Variants in MRTFB observed in about 807,000 individuals in gnomAD.
The protein encoded by MRTFB is myocardin related transcription factor B.
Under a neutral mutation model 104.2 loss-of-function variants are expected in MRTFB, and 29 were observed. That is an observed-to-expected ratio of 0.28 (90% CI 0.21 to 0.38). The LOEUF is 0.38. Ranked by LOEUF, MRTFB falls within the 10% of genes least tolerant of loss-of-function variation. The probability of loss-of-function intolerance (pLI) is 1.00; values close to 1 mark genes in which losing one functional copy is unlikely to be tolerated. For missense variants in MRTFB, 1,270 were observed against 1,341.6 expected (o/e 0.95, Z 0.83); for synonymous variants, 535 against 519.5 (o/e 1.03, Z -0.41).
At chr16:14,229,986 G>T (rs888399906) in intron 8 of MRTFB, among the ~76,000 whole-genome samples, 2 of 151,910 alleles carry the variant, frequency 1.3e-5, no homozygotes, top group African/African-American at 4.8e-5. Flanking sequence ...TTAGGTCTCG[G>T]CAGCAATTTA....
At chr16:14,047,043 G>A in the MRTFB span, among the ~76,000 whole-genome samples, 1 of 152,194 alleles carries the variant, frequency 6.6e-6, no homozygotes, top group South Asian at 2.1e-4. Flanking sequence ...TGGAGATGTG[G>A]TTGTGAATAA....
At chr16:14,139,882 C>T (rs1001057394) in intron 2 of MRTFB, among the ~76,000 whole-genome samples, 3 of 152,138 alleles carry the variant, frequency 2.0e-5, no homozygotes, top group Non-Finnish European at 1.5e-5. Context: ...TTTCTGCTGC[C>T]GACTTTGTAG....
At chr16:14,169,942 C>T (rs12448844) in intron 3 of MRTFB, among the ~76,000 whole-genome samples, 6,410 of 152,170 alleles carry the variant, frequency 0.042, 190 homozygotes, top group Non-Finnish European at 0.06. Flanking sequence ...CTTTTTTCAT[C>T]ATAGATATAA....
rs1428333389 is a variant in MRTFB, at chr16:14,081,872, C to G, written c.-64+2518C>G. 2.6e-5 allele frequency among the ~76,000 whole-genome samples: 4 copies of G among 152,200 alleles called. No homozygotes were observed. The East Asian group carries it at 5.8e-4, about 22-fold the overall frequency. On this transcript the variant is annotated intron_variant, in intron 2 of 16. Coordinates refer to ENST00000571589, the MANE Select transcript of MRTFB (RefSeq NM_001308142.2). The stretch of plus-strand genomic sequence containing the variant: ...CTGGGATTATAGGTGTGAGCCACCA[C>G]CTTTGTCCATTTTTTAATTGGATTT...
chr16:14,020,205 G>A, the MRTFB span: 1 of 151,972 alleles, frequency 6.6e-6, no homozygotes, highest in Non-Finnish European at 1.5e-5. Flanking sequence ...ATCCCATCTG[G>A]GTCAAACACT....
chr16:14,035,619 T>A, the MRTFB span, among the ~76,000 whole-genome samples: 1 of 152,202 alleles, frequency 6.6e-6, no homozygotes, highest in South Asian at 2.1e-4. Context: ...GTATGTGTAA[T>A]GTCACTTCCC....
At chr16:14,236,174 G>C (rs2042497004) in intron 9 of MRTFB, among the ~76,000 whole-genome samples, 1 of 152,188 alleles carries the variant, frequency 6.6e-6, no homozygotes, top group Non-Finnish European at 1.5e-5. Context: ...CTGGGTGACA[G>C]AGTGAGACCC....
chr16:14,100,865 A>G (rs1165914500), intron 2 of MRTFB, among the ~76,000 whole-genome samples: 1 of 152,180 alleles, frequency 6.6e-6, no homozygotes, highest in Non-Finnish European at 1.5e-5. Flanking sequence ...AAAGTTTTTC[A>G]TAATATTCCC....
chr16:14,210,186 T>C, intron 3 of MRTFB, 57 bp from the exon 4 acceptor site: 1 of 1,384,852 alleles, frequency 7.2e-7, no homozygotes, highest in South Asian at 1.2e-5. Context: ...TGGAATCACA[T>C]AAATCGGATC....
At chr16:14,128,525 C>T (rs1474173335) in intron 2 of MRTFB, among the ~76,000 whole-genome samples, 2 of 152,158 alleles carry the variant, frequency 1.3e-5, no homozygotes, top group Non-Finnish European at 2.9e-5. Context: ...AAAAGGAAAA[C>T]AACAGCAACA....
chr16:14,135,372 C>T (rs1016030356), intron 2 of MRTFB, among the ~76,000 whole-genome samples: 3 of 152,216 alleles, frequency 2.0e-5, no homozygotes, highest in African/African-American at 7.2e-5. Flanking sequence ...TGTACCTTTT[C>T]TATGTCTAGA....
chr16:14,139,820 T>C (rs1010580424), intron 2 of MRTFB, among the ~76,000 whole-genome samples: 2 of 152,198 alleles, frequency 1.3e-5, no homozygotes, highest in Admixed American at 1.3e-4. Context: ...TATCGAATGT[T>C]TTGCCACTGC....
At chr16:14,041,203 T>A in the MRTFB span, among the ~76,000 whole-genome samples, 1 of 152,150 alleles carries the variant, frequency 6.6e-6, no homozygotes, top group Non-Finnish European at 1.5e-5. Context: ...TAAAAACACA[T>A]AATATAAAAT....
At chr16:14,047,233 G>A in the MRTFB span, among the ~76,000 whole-genome samples, 16,477 of 152,202 alleles carry the variant, frequency 0.11, 1,049 homozygotes, top group East Asian at 0.31. Context: ...CTTTCTCTCC[G>A]GAGCAGAAAA....
In MRTFB at chr16:14,266,026, A is replaced by G. The variant is rs1249211700; in HGVS notation, c.*4582A>G. ...GGAAGCATTTAGGAAAGGGTTTAGT[A>G]TCTACCAAAAGTACTTGACCTCAAG... On this transcript the variant is annotated 3_prime_UTR_variant, in exon 17 of 17. Transcript: ENST00000571589. The G allele has an allele frequency of 6.6e-6, 1 of 152,242 alleles. No homozygotes were observed. Among genetic ancestry groups the G allele is most frequent in the African/African-American group, 2.4e-5 (1 of 41,458 alleles). 9.4% of individuals were successfully genotyped at this position (152,242 alleles called of 1,614,324 possible).
intron 2 of MRTFB, among the ~76,000 whole-genome samples, chr16:14,117,412 A>C (rs1212535153): frequency 6.6e-6 from 1 of 152,218 alleles, no homozygotes; most frequent in Non-Finnish European, 1.5e-5. Context: ...GGCCTTCCTA[A>C]TACATGGTCC....
At chr16:14,164,952 T>TAA (rs879278829) in intron 3 of MRTFB, among the ~76,000 whole-genome samples, 34 of 143,216 alleles carry the variant, frequency 2.4e-4, no homozygotes, top group African/African-American at 8.1e-4. Context: ...AAGACAAAAT[T>TAA]AAAAAAAAAA....
At chr16:14,234,411 C>G (rs2042406271) in intron 9 of MRTFB, 128 bp downstream of exon 9, 1 of 1,110,998 alleles carries the variant, frequency 9.0e-7, no homozygotes, top group Non-Finnish European at 1.2e-6. Context: ...GTCTTAAAAA[C>G]TAAGCCATGC....
chr16:14,068,963 CTTTTTTTTTTTTTT>C (rs989515330), upstream of MRTFB, among the ~76,000 whole-genome samples: 2 of 100,174 alleles, frequency 2.0e-5, no homozygotes, highest in East Asian at 3.4e-4. Context: ...GATTCTCCAG[CTTTTTTTTTTTTTT>C]TTTTTTTTTT....
Sources: gnomAD v4.1 joint callset for allele counts (sites outside exome capture counted in the v4.1 genomes callset) on GRCh38, gnomAD v4.1.1 for gene constraint, MANE v1.5 for transcripts, NCBI Gene and HGNC (gene_info 2026-07-23, HGNC 2026-07-21) for gene names.